The following ANKRD30A variants were observed in gnomAD, a reference collection of about 807,000 sequenced individuals.
ANKRD30A encodes ankyrin repeat domain 30A.
Under a neutral mutation model 166.3 loss-of-function variants are expected in ANKRD30A, and 170 were observed. The observed-to-expected ratio is 1.02, with a 90% CI of 0.90 to 1.16. The LOEUF is 1.16. Among genes scored for constraint, ANKRD30A ranks in the 50% most tolerant of loss-of-function variants. ANKRD30A has a pLI of 0.00. For synonymous variants in ANKRD30A, 564 were observed against 508.9 expected, an observed-to-expected ratio of 1.11 and a Z score of -1.46; for missense variants, 1,630 against 1,518.0, an observed-to-expected ratio of 1.07 and a Z score of -1.23.
At chr10:37,201,190 T>A (rs768169522) in intron 30 of ANKRD30A, 45 bp from the exon 31 acceptor site, 1 of 1,403,488 alleles carries the variant, frequency 7.1e-7, no homozygotes, top group Non-Finnish European at 9.6e-7. Context: ...TCTTCATTAT[T>A]AGGATTTTTC....
chr10:37,162,111 A>T (rs569283499), intron 15 of ANKRD30A, among the ~76,000 whole-genome samples: 32 of 152,292 alleles, frequency 2.1e-4, no homozygotes, highest in African/African-American at 7.2e-4. Context: ...GGATACAGAA[A>T]TATAGGCATA....
At chr10:37,236,218 C>T (rs1410454104), downstream of ANKRD30A, among the ~76,000 whole-genome samples, 2 of 152,062 alleles carry the variant, frequency 1.3e-5, no homozygotes, top group Non-Finnish European at 2.9e-5. Context: ...GCAAATGATT[C>T]TCCTATTTCT....
intron 6 of ANKRD30A, among the ~76,000 whole-genome samples, chr10:37,136,984 T>C (rs1836741942): frequency 6.6e-6 from 1 of 151,912 alleles, no homozygotes; most frequent in Non-Finnish European, 1.5e-5. Flanking sequence ...TATAATACTT[T>C]TGTATAAATA....
At chr10:37,194,694 G>A (rs1252962723) in intron 27 of ANKRD30A, among the ~76,000 whole-genome samples, 1 of 152,054 alleles carries the variant, frequency 6.6e-6, no homozygotes, top group Non-Finnish European at 1.5e-5. Flanking sequence ...TATTGTCCTG[G>A]AACTTCCTTG....
chr10:37,172,153 G>C (rs1839618980), intron 21 of ANKRD30A, among the ~76,000 whole-genome samples: 1 of 102,744 alleles, frequency 9.7e-6, no homozygotes, highest in South Asian at 2.4e-4. Context: ...AGACCATCCT[G>C]ACTAACGCGG....
chr10:37,166,844 TC>T (rs1164243016), intron 19 of ANKRD30A, 149 bp downstream of exon 19: 1 of 1,386,438 alleles, frequency 7.2e-7, no homozygotes, highest in Admixed American at 2.7e-5. Context: ...GTTATGTGTC[TC>T]ATCAGGTGAT....
chr10:37,193,680 A>T (rs1840791392), intron 27 of ANKRD30A, among the ~76,000 whole-genome samples: 2 of 151,920 alleles, frequency 1.3e-5, no homozygotes. Flanking sequence ...TAAGAAAATC[A>T]GTTTTTTTTT....
rs746602413 is a variant in ANKRD30A, at chr10:37,130,251, C to T, written c.383C>T (p.Ser128Phe). The T allele has an allele frequency of 6.2e-7, 1 of 1,603,548 alleles. No individual in the cohort carries two copies. The highest frequency in any genetic ancestry group is 8.5e-7 in the Non-Finnish European group (1 of 1,175,380). Residue 128 changes from serine to phenylalanine, a missense_variant, in exon 3 of 36, where the codon TCT becomes TTT. Transcript: ENST00000361713. ...GCTTGTGCAAATATTCTGATAGATT[C>T]TGGTGCCGATATAAATCTCGTAGAT... ...QEACANILID[S>F]GADINLVDVY... is the part of the protein sequence containing the mutation.
chr10:37,144,413 G>C (rs1169901109), intron 7 of ANKRD30A, among the ~76,000 whole-genome samples: 2 of 152,162 alleles, frequency 1.3e-5, no homozygotes, highest in Admixed American at 1.3e-4. Flanking sequence ...AATTAAAGCA[G>C]TTTTTAATTT....
intron 15 of ANKRD30A, among the ~76,000 whole-genome samples, chr10:37,160,524 G>T (rs909128095): frequency 4.6e-5 from 7 of 152,074 alleles, no homozygotes; most frequent in Non-Finnish European, 1.0e-4. Context: ...AAATGCATAA[G>T]GTTCTAAAGT....
At chr10:37,132,407 A>T in intron 4 of ANKRD30A, 61 bp downstream of exon 4, 1 of 926,656 alleles carries the variant, frequency 1.1e-6, no homozygotes, top group African/African-American at 1.7e-5. Flanking sequence ...AATAACACTC[A>T]AGTCAGAAAT....
At position 37,147,398 on chromosome 10, in the gene ANKRD30A, A is replaced by G. The variant is rs544765048; in HGVS notation, c.1484A>G (p.Gln495Arg). ...CTCTTTGAGAGTTCTGCAAAGATTC[A>G]AGTGTGTATACCTGAGTCTATATAT... Reference protein sequence around the residue: ...RSLFESSAKIQVCIPESIYQK... With the variant: ...RSLFESSAKIRVCIPESIYQK... The change falls in exon 9 of 36, where the codon CAA (glutamine) becomes CGA (arginine). Residue 495 changes from glutamine to arginine, a missense_variant. Physicochemically the swap from Gln to Arg is conservative, Grantham distance 43. Coordinates refer to ENST00000361713, the MANE Select transcript of ANKRD30A (RefSeq NM_052997.3). 7 of 1,598,526 alleles carry G rather than the reference A, an allele frequency of 4.4e-6. No homozygotes were observed. The highest frequency in any genetic ancestry group is 6.0e-6 in the Non-Finnish European group (7 of 1,172,654).
chr10:37,219,414 A>T lies in ANKRD30A; in HGVS notation c.3702A>T (p.Lys1234Asn), dbSNP rs1331478045. Residue 1234 changes from lysine to asparagine, a missense_variant, in exon 34 of 36, where the codon AAA becomes AAT. Physicochemically the swap from Lys to Asn is moderately conservative, Grantham distance 94. Around this residue, in one of 4 missense-constraint regions of ANKRD30A, gnomAD observed 712 missense variants for 629.3 expected, o/e 1.13. Transcript: ENST00000361713. ...HIAGDACLQR[K>N]MNVDVSSTIY... is the part of the protein sequence containing the mutation. ...CAGGAGATGCTTGTTTGCAAAGAAA[A>T]ATGAATGTTGATGTGAGTAGTACGA... 1.9e-6 allele frequency: 3 copies of T among 1,610,382 alleles called. No homozygotes were observed. In the East Asian group the frequency reaches 6.7e-5, roughly 36 times the overall value.
chr10:37,140,070 G>GA (rs1836997746), intron 6 of ANKRD30A, among the ~76,000 whole-genome samples: 2 of 152,122 alleles, frequency 1.3e-5, no homozygotes, highest in South Asian at 4.1e-4. Context: ...CTGGAGGAAA[G>GA]AAACTTTTAT....
At chr10:37,189,851 A>T (rs914445834) in intron 25 of ANKRD30A, among the ~76,000 whole-genome samples, 4 of 151,414 alleles carry the variant, frequency 2.6e-5, no homozygotes, top group African/African-American at 4.9e-5. Context: ...ACTGAGAAAG[A>T]CAGAGCGTAC....
At chr10:37,236,273 A>G (rs145088168), downstream of ANKRD30A, among the ~76,000 whole-genome samples, 83 of 152,324 alleles carry the variant, frequency 5.4e-4, 1 homozygote, top group African/African-American at 1.8e-3. Context: ...AGACATCAAC[A>G]TACCCGCTTT....
At chr10:37,142,944 A>G (rs985680061) in intron 7 of ANKRD30A, among the ~76,000 whole-genome samples, 3 of 152,114 alleles carry the variant, frequency 2.0e-5, no homozygotes, top group African/African-American at 4.8e-5. Flanking sequence ...TCTCAAGACA[A>G]TATTTAAAGG....
intron 27 of ANKRD30A, among the ~76,000 whole-genome samples, chr10:37,193,947 C>T (rs1428402323): frequency 1.3e-5 from 2 of 152,122 alleles, no homozygotes; most frequent in African/African-American, 4.8e-5. Flanking sequence ...GTAATGATAG[C>T]AGTTTGGGAG....
chr10:37,208,536 G>A (rs1435285772), intron 31 of ANKRD30A, among the ~76,000 whole-genome samples: 1 of 152,118 alleles, frequency 6.6e-6, no homozygotes, highest in Non-Finnish European at 1.5e-5. Flanking sequence ...GCTGACTCAA[G>A]TGTGGATAGG....
Sources: gnomAD v4.1 joint callset for allele counts (sites outside exome capture counted in the v4.1 genomes callset) on GRCh38, gnomAD v4.1.1 for gene constraint, gnomAD v4.1.1 regional missense constraint, MANE v1.5 for transcripts, NCBI Gene and HGNC (gene_info 2026-07-23, HGNC 2026-07-21) for gene names.